The following PCDHA1 variants were observed in gnomAD, a reference collection of about 807,000 sequenced individuals.
The protein encoded by PCDHA1 is protocadherin alpha 1, also known as protocadherin alpha-1.
In PCDHA1, 42 loss-of-function variants were observed where a neutral mutation model predicts 61.3. That is an observed-to-expected ratio of 0.69 (90% CI 0.54 to 0.89). The LOEUF is 0.89. PCDHA1 is among the 40% of genes least tolerant of loss of function. The pLI, the probability that PCDHA1 is intolerant of heterozygous loss-of-function variation, is 0.00. For synonymous variants in PCDHA1, 610 were observed against 553.8 expected, an observed-to-expected ratio of 1.10 and a Z score of -1.43; for missense variants, 1,256 against 1,235.3, an observed-to-expected ratio of 1.02 and a Z score of -0.25.
At chr5:140,970,775 C>T (rs2096433002) in intron 1 of PCDHA1, among the ~76,000 whole-genome samples, 1 of 152,160 alleles carries the variant, frequency 6.6e-6, no homozygotes, top group Non-Finnish European at 1.5e-5. Context: ...GCTGTACATA[C>T]ATATTGTATG....
chr5:140,916,520 G>C (rs1339531103), intron 1 of PCDHA1, among the ~76,000 whole-genome samples: 1 of 152,112 alleles, frequency 6.6e-6, no homozygotes, highest in African/African-American at 2.4e-5. Context: ...GCCAAGACTG[G>C]GTCCTTCCCA....
chr5:140,809,319 TG>T (rs1562224464), intron 1 of PCDHA1: 1 of 1,614,108 alleles, frequency 6.2e-7, no homozygotes, highest in Non-Finnish European at 8.5e-7. Flanking sequence ...TCCAGCCTTT[TG>T]GTGCTCACGC....
chr5:140,936,760 T>G (rs2091134702), intron 1 of PCDHA1, among the ~76,000 whole-genome samples: 1 of 152,220 alleles, frequency 6.6e-6, no homozygotes, highest in African/African-American at 2.4e-5. Context: ...TGATATCTAA[T>G]TGTGTAAGTT....
At chr5:140,795,384 C>A (rs144974749) in intron 1 of PCDHA1, 3 of 1,614,140 alleles carry the variant, frequency 1.9e-6, no homozygotes, top group Non-Finnish European at 2.5e-6. Flanking sequence ...TAAAGACTAT[C>A]CGGTTTCCCG....
intron 1 of PCDHA1, chr5:140,824,267 G>A (rs1768069151): frequency 2.4e-6 from 3 of 1,253,012 alleles, no homozygotes; most frequent in Admixed American, 3.7e-5. Context: ...ACTAATTCAT[G>A]TATTATATGC....
chr5:140,882,152 G>A (rs1582595300), intron 1 of PCDHA1: 2 of 1,505,314 alleles, frequency 1.3e-6, no homozygotes, highest in Non-Finnish European at 8.9e-7. Flanking sequence ...GCAGAAAGCG[G>A]AATACCTCTT....
rs1428126460 is a variant in PCDHA1 at position 140,848,665 on chromosome 5, C to T, written c.2394+59981C>T. On this transcript the variant is annotated intron_variant, in intron 1 of 3. Coordinates refer to ENST00000504120, the MANE Select transcript of PCDHA1 (RefSeq NM_018900.4). ...GCGCAGGACCTGGGGCTGGAGCTGG[C>T]GGAGCTGGTGCCGCGCCTGTTCCAG... 1.9e-6 allele frequency: 3 copies of T among 1,592,226 alleles called. 1 individual carries two copies. The highest frequency in any genetic ancestry group is 2.6e-6 in the Non-Finnish European group (3 of 1,163,404).
chr5:140,798,099 T>C (rs1762294843), intron 1 of PCDHA1, among the ~76,000 whole-genome samples: 1 of 152,158 alleles, frequency 6.6e-6, no homozygotes, highest in Admixed American at 6.5e-5. Flanking sequence ...CTCAAACTCC[T>C]GGCCTCAAGT....
Position 140,850,457 on chromosome 5 carries a change from C to T in PCDHA1, c.2394+61773C>T, listed in dbSNP as rs2041615283. On this transcript the variant is annotated intron_variant, in intron 1 of 3. Transcript: ENST00000504120. ...GCCTACTGGTGCTGGTGAAAGACCA[C>T]GGGGAGCCAGCGCTGACGGCCACGG... is the stretch of plus-strand genomic sequence containing the variant. 8.1e-6 allele frequency: 13 copies of T among 1,597,684 alleles called. 1 individual carries two copies. Among genetic ancestry groups the T allele is most frequent in the Non-Finnish European group, 1.1e-5 (13 of 1,167,628 alleles).
intron 3 of PCDHA1, among the ~76,000 whole-genome samples, chr5:141,001,096 A>T (rs919555319): frequency 1.3e-5 from 2 of 152,130 alleles, no homozygotes; most frequent in Admixed American, 1.3e-4. Flanking sequence ...AAACTGTCTA[A>T]TCCATAATAA....
At chr5:140,955,187 T>C (rs1230644276) in intron 1 of PCDHA1, among the ~76,000 whole-genome samples, 1 of 152,198 alleles carries the variant, frequency 6.6e-6, no homozygotes, top group Non-Finnish European at 1.5e-5. Flanking sequence ...TTTTGTGGTG[T>C]ATATGAAGTC....
chr5:140,883,625 C>G (rs1446947181), intron 1 of PCDHA1: 9 of 1,613,872 alleles, frequency 5.6e-6, no homozygotes, highest in Non-Finnish European at 6.8e-6. Context: ...CGACAACGCG[C>G]CGGCGTTCGC....
chr5:140,954,161 C>G (rs2094990748), intron 1 of PCDHA1, among the ~76,000 whole-genome samples: 1 of 152,200 alleles, frequency 6.6e-6, no homozygotes, highest in African/African-American at 2.4e-5. Context: ...ATATGTACCA[C>G]ATTTTCTTTA....
intron 1 of PCDHA1, among the ~76,000 whole-genome samples, chr5:140,924,894 C>CAAAA (rs782133089): frequency 2.8e-5 from 2 of 71,514 alleles, no homozygotes; most frequent in Non-Finnish European, 3.2e-5. Flanking sequence ...GAACCTGTCT[C>CAAAA]AAAAAAAAAA....
chr5:140,994,149 G>A (rs1299780463), intron 3 of PCDHA1, among the ~76,000 whole-genome samples: 2 of 152,174 alleles, frequency 1.3e-5, no homozygotes, highest in Non-Finnish European at 2.9e-5. Context: ...TACGTAGGTA[G>A]GGTCAACGAA....
intron 1 of PCDHA1, among the ~76,000 whole-genome samples, chr5:140,793,122 G>GC (rs1761750408): frequency 6.6e-6 from 1 of 152,212 alleles, no homozygotes; most frequent in South Asian, 2.1e-4. Context: ...TTAGAAAAGA[G>GC]CACTTTCTGG....
At chr5:140,843,396 C>T (rs2150359152) in intron 1 of PCDHA1, 1 of 1,596,034 alleles carries the variant, frequency 6.3e-7, no homozygotes, top group Non-Finnish European at 8.6e-7. Flanking sequence ...CCGGAAGCGG[C>T]GCTGGTGGAT....
Position 140,850,103 on chromosome 5 carries a change from C to T in PCDHA1, c.2394+61419C>T, listed in dbSNP as rs2150467019. 4 of 1,596,104 alleles carry T rather than the reference C, an allele frequency of 2.5e-6. 1 individual carries two copies. Among genetic ancestry groups the T allele is most frequent in the African/African-American group, 1.3e-5 (1 of 74,456 alleles). On this transcript the variant is annotated intron_variant, in intron 1 of 3. Coordinates refer to ENST00000504120, the MANE Select transcript of PCDHA1 (RefSeq NM_018900.4). ...TGGAGCTGCTACAGTTCCAGGTGAGCGCGCGCGACGCGGGCGTGCCGCCTC... is the reference window on the plus strand; with the variant it reads ...TGGAGCTGCTACAGTTCCAGGTGAGTGCGCGCGACGCGGGCGTGCCGCCTC...
At chr5:141,009,312 A>G (rs1355833857) in intron 3 of PCDHA1, among the ~76,000 whole-genome samples, 1 of 152,160 alleles carries the variant, frequency 6.6e-6, no homozygotes, top group Non-Finnish European at 1.5e-5. Context: ...TTAAAAAGCT[A>G]GCCTGGCATG....
Sources: allele counts gnomAD v4.1 joint callset (sites outside exome capture counted in the v4.1 genomes callset), GRCh38; gene constraint gnomAD v4.1.1; transcripts MANE v1.5; gene names NCBI Gene and HGNC (gene_info 2026-07-23, HGNC 2026-07-21).